Variants in H2BC21 observed in about 807,000 individuals in gnomAD.
H2BC21 encodes H2B clustered histone 21, also known as histone H2B type 2-E.
A neutral mutation model predicts 6.2 loss-of-function variants in H2BC21; 2 were observed. The observed-to-expected ratio is 0.32, with a 90% confidence interval of 0.13 to 1.02. The LOEUF (loss-of-function observed/expected upper bound fraction) is 1.02. Ranked by LOEUF, H2BC21 falls within the 50% of genes least tolerant of loss-of-function variation. The probability of loss-of-function intolerance (pLI) is 0.47; values close to 1 mark genes in which losing one functional copy is unlikely to be tolerated. For missense variants in H2BC21, 98 were observed against 172.2 expected, an observed-to-expected ratio of 0.57 and a Z score of 2.41; for synonymous variants, 109 against 75.2, an observed-to-expected ratio of 1.45 and a Z score of -2.33.
rs1178077416 is a variant in H2BC21 at position 149,885,853 on chromosome 1, C to G, written c.*407G>C. The G allele has an allele frequency of 3.2e-6, 1 of 308,558 alleles. No homozygotes were observed. The highest frequency in any genetic ancestry group is 6.2e-6 in the Non-Finnish European group (1 of 160,594). 19.1% of individuals were successfully genotyped at this position (308,558 alleles called of 1,614,324 possible). Reference sequence around the variant, plus strand: ...GGGCTGAATTGTGTCCTGGAGTTCTCTTAAATGACAGCCGAACTCAGCCAC... The same window carrying G: ...GGGCTGAATTGTGTCCTGGAGTTCTGTTAAATGACAGCCGAACTCAGCCAC... On this transcript the variant is annotated 3_prime_UTR_variant, in exon 1 of 1. Coordinates refer to ENST00000369155, the MANE Select transcript of H2BC21 (RefSeq NM_003528.3).
rs782138507 is a variant in H2BC21 at position 149,886,256 on chromosome 1, G to A, written c.*4C>T. 151 of 1,613,960 alleles carry A rather than the reference G, an allele frequency of 9.4e-5. No individual in the cohort carries two copies. Among genetic ancestry groups the A allele is most frequent in the Non-Finnish European group, 1.3e-4 (148 of 1,179,974 alleles). ...GCGAGCGAGCGCCAGGTCCCGGCAG[G>A]GACTCACTTGGAGCTGGTGTACTTG... On this transcript the variant is annotated 3_prime_UTR_variant, in exon 1 of 1. Transcript: ENST00000369155.
Position 149,885,606 on chromosome 1 carries a change from G to A in H2BC21, c.*654C>T, listed in dbSNP as rs1020781430. 2 of 154,076 alleles carry A rather than the reference G, an allele frequency of 1.3e-5. No individual in the cohort carries two copies. Among genetic ancestry groups the A allele is most frequent in the Non-Finnish European group, 2.9e-5 (2 of 69,158 alleles). The allele number at this position is 154,076 out of a possible 1,614,324, so 9.5% of individuals were successfully genotyped here. A position where few individuals can be genotyped will look rare whatever the true frequency, so the allele number is the denominator to read the frequency against. On this transcript the variant is annotated 3_prime_UTR_variant, in exon 1 of 1. Coordinates refer to ENST00000369155, the MANE Select transcript of H2BC21 (RefSeq NM_003528.3). ...ATTTCAAAGTCTCAAAGTGAACGACGGAAACTGAAATCTACAAATTAGAAA... is the reference window on the plus strand; with the variant it reads ...ATTTCAAAGTCTCAAAGTGAACGACAGAAACTGAAATCTACAAATTAGAAA...
In H2BC21 at chr1:149,885,410, A is replaced by C. The variant is rs2092291296; in HGVS notation, c.*850T>G. 1 of 152,218 alleles carries C rather than the reference A, an allele frequency of 6.6e-6. No individual in the cohort carries two copies. The highest frequency in any genetic ancestry group is 2.4e-5 in the African/African-American group (1 of 41,432). 9.4% of individuals were successfully genotyped at this position (152,218 alleles called of 1,614,324 possible). ...TGCTAGAAGGAAGATAAAATGAGAC[A>C]GGCAAGTATGAGAGGCGCGAATTCC... On this transcript the variant is annotated 3_prime_UTR_variant, in exon 1 of 1. Transcript: ENST00000369155.
chr1:149,886,652 G>C lies in H2BC21; in HGVS notation c.-12C>G. 1 of 1,603,172 alleles carries C rather than the reference G, an allele frequency of 6.2e-7. No homozygotes were observed. The highest frequency in any genetic ancestry group is 1.7e-5 in the Admixed American group (1 of 57,262). ...GCCGGTTCAGGCATGGTAAGACACAGTACAAACGCGGCTTAGCCAAGAAAA... is the reference window on the plus strand; with the variant it reads ...GCCGGTTCAGGCATGGTAAGACACACTACAAACGCGGCTTAGCCAAGAAAA... On this transcript the variant is annotated 5_prime_UTR_variant, in exon 1 of 1. Coordinates refer to ENST00000369155, the MANE Select transcript of H2BC21 (RefSeq NM_003528.3).
Position 149,886,646 on chromosome 1 carries a change from G to A in H2BC21, c.-6C>T, listed in dbSNP as rs587639035. 8.1e-6 allele frequency: 13 copies of A among 1,612,152 alleles called. No homozygotes were observed. In the African/African-American group the frequency reaches 1.5e-4, roughly 18 times the overall value. On this transcript the variant is annotated 5_prime_UTR_variant, in exon 1 of 1. Transcript: ENST00000369155. The stretch of plus-strand genomic sequence containing the variant: ...GATTTTGCCGGTTCAGGCATGGTAA[G>A]ACACAGTACAAACGCGGCTTAGCCA...
chr1:149,884,995 G>A lies in H2BC21; in HGVS notation c.*1265C>T, dbSNP rs1261426807. On this transcript the variant is annotated 3_prime_UTR_variant, in exon 1 of 1. Transcript: ENST00000369155. Reference sequence around the variant, plus strand: ...CGCTGAATTTGATGAAAATCCATAAGAGGTTATGCTAAACTGAGAAGCATA... The same window carrying A: ...CGCTGAATTTGATGAAAATCCATAAAAGGTTATGCTAAACTGAGAAGCATA... 1 of 152,602 alleles carries A rather than the reference G, an allele frequency of 6.6e-6. No individual in the cohort carries two copies. The allele number at this position is 152,602 out of a possible 1,614,324, so 9.5% of individuals were successfully genotyped here.
In H2BC21 at chr1:149,885,954, G is replaced by A. The variant is rs1179429039; in HGVS notation, c.*306C>T. ...CGGGAGTGGGGGCGGGTAAAGAGGC[G>A]GATTCCCAACAGCCTAATTGAGAAC... On this transcript the variant is annotated 3_prime_UTR_variant, in exon 1 of 1. Coordinates refer to ENST00000369155, the MANE Select transcript of H2BC21 (RefSeq NM_003528.3). The A allele has an allele frequency of 6.7e-6, 3 of 446,502 alleles. No individual in the cohort carries two copies. Among genetic ancestry groups the A allele is most frequent in the African/African-American group, 2.0e-5 (1 of 49,890 alleles). 27.7% of individuals were successfully genotyped at this position (446,502 alleles called of 1,614,324 possible).
In H2BC21 at chr1:149,886,063, C is replaced by G. The variant is rs2092295884; in HGVS notation, c.*197G>C. Reference sequence around the variant, plus strand: ...AAATCCAATGACGCACTGGGGACCTCGAGTTCCAAATAGTTAAAAAGCTAC... The same window carrying G: ...AAATCCAATGACGCACTGGGGACCTGGAGTTCCAAATAGTTAAAAAGCTAC... On this transcript the variant is annotated 3_prime_UTR_variant, in exon 1 of 1. Coordinates refer to ENST00000369155, the MANE Select transcript of H2BC21 (RefSeq NM_003528.3). 3.3e-6 allele frequency: 3 copies of G among 909,388 alleles called. No individual in the cohort carries two copies. Among genetic ancestry groups the G allele is most frequent in the Admixed American group, 2.9e-5 (1 of 34,412 alleles). The allele number at this position is 909,388 out of a possible 1,614,324, so 56.3% of individuals were successfully genotyped here.
In H2BC21 at chr1:149,886,018, C is replaced by G; in HGVS notation, c.*242G>C. On this transcript the variant is annotated 3_prime_UTR_variant, in exon 1 of 1. Coordinates refer to ENST00000369155, the MANE Select transcript of H2BC21 (RefSeq NM_003528.3). Reference sequence around the variant, plus strand: ...GGCTAAGCAGCACAATGAGTAAAGACACGCTCTAGATTCAAAAGCAAATCC... The same window carrying G: ...GGCTAAGCAGCACAATGAGTAAAGAGACGCTCTAGATTCAAAAGCAAATCC... 9.0e-6 allele frequency: 6 copies of G among 666,584 alleles called. No individual in the cohort carries two copies. The highest frequency in any genetic ancestry group is 1.5e-5 in the Non-Finnish European group (6 of 406,152). 41.3% of individuals were successfully genotyped at this position (666,584 alleles called of 1,614,324 possible). A position where few individuals can be genotyped will look rare whatever the true frequency, so the allele number is the denominator to read the frequency against.
Position 149,885,934 on chromosome 1 carries a change from G to A in H2BC21, c.*326C>T. ...CCACCAGGGCGCGTGTGGGGCGGGA[G>A]TGGGGGCGGGTAAAGAGGCGGATTC... On this transcript the variant is annotated 3_prime_UTR_variant, in exon 1 of 1. Transcript: ENST00000369155. 1 of 411,212 alleles carries A rather than the reference G, an allele frequency of 2.4e-6. No individual in the cohort carries two copies. The allele number at this position is 411,212 out of a possible 1,614,324, so 25.5% of individuals were successfully genotyped here. A position where few individuals can be genotyped will look rare whatever the true frequency, so the allele number is the denominator to read the frequency against.
Position 149,886,470 on chromosome 1 carries a change from G to C in H2BC21, c.171C>G (p.Ser57=). 1 of 1,614,258 alleles carries C rather than the reference G, an allele frequency of 6.2e-7. No homozygotes were observed. The highest frequency in any genetic ancestry group is 1.1e-5 in the South Asian group (1 of 91,090). The part of the protein sequence containing the change: ...KQVHPDTGIS[S]KAMGIMNSFV... ...AGGAGTTCATGATGCCCATGGCCTT[G>C]GACGAGATGCCGGTGTCGGGGTGGA... The change falls in exon 1 of 1, where the codon TCC becomes TCG. Residue 57 remains serine (S), a synonymous_variant. Coordinates refer to ENST00000369155, the MANE Select transcript of H2BC21 (RefSeq NM_003528.3).
chr1:149,885,810 G>A lies in H2BC21; in HGVS notation c.*450C>T. On this transcript the variant is annotated 3_prime_UTR_variant, in exon 1 of 1. Coordinates refer to ENST00000369155, the MANE Select transcript of H2BC21 (RefSeq NM_003528.3). Reference sequence around the variant, plus strand: ...AGCGTCAGTCATACAGAGCTGTCACGCAGTGTTTGCGGAACCCGGGCTGAA... The same window carrying A: ...AGCGTCAGTCATACAGAGCTGTCACACAGTGTTTGCGGAACCCGGGCTGAA... 3.8e-6 allele frequency: 1 copy of A among 263,306 alleles called. No homozygotes were observed. The highest frequency in any genetic ancestry group is 7.5e-6 in the Non-Finnish European group (1 of 133,922). 16.3% of individuals were successfully genotyped at this position (263,306 alleles called of 1,614,324 possible).
rs2092290327 is a variant in H2BC21 at position 149,885,281 on chromosome 1, A to C, written c.*979T>G. 1 of 152,496 alleles carries C rather than the reference A, an allele frequency of 6.6e-6. No individual in the cohort carries two copies. The highest frequency in any genetic ancestry group is 1.9e-4 in the East Asian group (1 of 5,206). The allele number at this position is 152,496 out of a possible 1,614,324, so 9.4% of individuals were successfully genotyped here. ...ATCAATACGTAGTATTTAAGTGTCC[A>C]TAATGTGCCAGGCTGAAGATGCACG... is the stretch of plus-strand genomic sequence containing the variant. On this transcript the variant is annotated 3_prime_UTR_variant, in exon 1 of 1. Coordinates refer to ENST00000369155, the MANE Select transcript of H2BC21 (RefSeq NM_003528.3).
At position 149,886,329 on chromosome 1, in the gene H2BC21, G is replaced by C. The variant is rs782225184; in HGVS notation, c.312C>G (p.Pro104=). The C allele has an allele frequency of 3.7e-6, 6 of 1,614,088 alleles. No individual in the cohort carries two copies. The highest frequency in any genetic ancestry group is 1.1e-5 in the South Asian group (1 of 91,064). The change falls in exon 1 of 1, where the codon CCC becomes CCG. Residue 104 remains proline (P), a synonymous_variant. Coordinates refer to ENST00000369155, the MANE Select transcript of H2BC21 (RefSeq NM_003528.3). The stretch of plus-strand genomic sequence containing the variant: ...ACACGGCGTGCTTGGCCAGCTCGCC[G>C]GGCAGCAGCAGGCGCACGGCCGTCT... The part of the protein sequence containing the change: ...EIQTAVRLLL[P]GELAKHAVSE...
At position 149,886,631 on chromosome 1, in the gene H2BC21, G is replaced by T. The variant is rs201449104; in HGVS notation, c.10C>A (p.Pro4Thr). The T allele has an allele frequency of 6.2e-7, 1 of 1,613,812 alleles. No homozygotes were observed. The highest frequency in any genetic ancestry group is 8.5e-7 in the Non-Finnish European group (1 of 1,179,906). The change falls in exon 1 of 1, where the codon CCG becomes ACG. Residue 4 changes from proline (P) to threonine (T), a missense_variant. By Grantham distance (38) the Pro-to-Thr change is conservative. Coordinates refer to ENST00000369155, the MANE Select transcript of H2BC21 (RefSeq NM_003528.3). ...TTAGGGGCCGGAGCGGATTTTGCCG[G>T]TTCAGGCATGGTAAGACACAGTACA... is the stretch of plus-strand genomic sequence containing the variant. MPE[P>T]AKSAPAPKKG...
Position 149,884,508 on chromosome 1 carries a change from T to G in H2BC21, c.*1752A>C, listed in dbSNP as rs1365566807. 2.0e-5 allele frequency: 3 copies of G among 152,220 alleles called. No homozygotes were observed. Among genetic ancestry groups the G allele is most frequent in the African/African-American group, 7.2e-5 (3 of 41,450 alleles). The allele number at this position is 152,220 out of a possible 1,614,324, so 9.4% of individuals were successfully genotyped here. ...AATAACAATAGCATCTATACACATT[T>G]GAAAACACACATGTAGGAGACAGTT... is the stretch of plus-strand genomic sequence containing the variant. On this transcript the variant is annotated 3_prime_UTR_variant, in exon 1 of 1. Coordinates refer to ENST00000369155, the MANE Select transcript of H2BC21 (RefSeq NM_003528.3).
In H2BC21 at chr1:149,886,438, T is replaced by C; in HGVS notation, c.203A>G (p.Asn68Ser). Residue 68 changes from asparagine to serine, a missense_variant, in exon 1 of 1, where the codon AAC becomes AGC. Physicochemically the swap from Asn to Ser is conservative, Grantham distance 46 (BLOSUM62 1). Around this residue, in one of 2 missense-constraint regions of H2BC21, gnomAD observed 48 missense variants for 137.8 expected, o/e 0.35. Coordinates refer to ENST00000369155, the MANE Select transcript of H2BC21 (RefSeq NM_003528.3). ...KAMGIMNSFV[N>S]DIFERIAGEA... ...TCCCGCGATGCGCTCGAAGATGTCG[T>C]TGACGAAGGAGTTCATGATGCCCAT... The C allele has an allele frequency of 1.2e-6, 2 of 1,614,230 alleles. No homozygotes were observed. The highest frequency in any genetic ancestry group is 1.7e-6 in the Non-Finnish European group (2 of 1,180,046).
Position 149,886,106 on chromosome 1 carries a change from A to G in H2BC21, c.*154T>C, listed in dbSNP as rs1245245733. 7.7e-7 allele frequency: 1 copy of G among 1,296,762 alleles called. No homozygotes were observed. Among genetic ancestry groups the G allele is most frequent in the Non-Finnish European group, 1.1e-6 (1 of 948,998 alleles). 80.3% of individuals were successfully genotyped at this position (1,296,762 alleles called of 1,614,324 possible). A position where few individuals can be genotyped will look rare whatever the true frequency, so the allele number is the denominator to read the frequency against. On this transcript the variant is annotated 3_prime_UTR_variant, in exon 1 of 1. Coordinates refer to ENST00000369155, the MANE Select transcript of H2BC21 (RefSeq NM_003528.3). ...AAAGCTACGTATGCCATTTCCCATG[A>G]CCTTCACACTAAAATAACTTACTTT...
In H2BC21 at chr1:149,886,176, G is replaced by C. The variant is rs1329367739; in HGVS notation, c.*84C>G. The C allele has an allele frequency of 3.7e-6, 6 of 1,602,476 alleles. No homozygotes were observed. In the Admixed American group the frequency reaches 8.6e-5, roughly 23 times the overall value. ...ATAAGTGAACAAGCTCTTTTCTAGT[G>C]ATTAGGTGGGTGGCTCTGAAAAGAG... On this transcript the variant is annotated 3_prime_UTR_variant, in exon 1 of 1. Transcript: ENST00000369155.
Sources: gnomAD v4.1 joint callset for allele counts on GRCh38, gnomAD v4.1.1 for gene constraint, gnomAD v4.1.1 regional missense constraint, MANE v1.5 for transcripts, NCBI Gene and HGNC (gene_info 2026-07-23, HGNC 2026-07-21) for gene names.